SLC26A2: variants seen among roughly 807,000 people sequenced by gnomAD.
The protein encoded by SLC26A2 is sulfate transporter.
A neutral mutation model predicts 41.1 loss-of-function variants in SLC26A2; 36 were observed. The ratio of observed to expected loss-of-function variants is 0.88; its 90% CI spans 0.67 to 1.16. The LOEUF (loss-of-function observed/expected upper bound fraction) is 1.16, where lower values mean the gene tolerates loss of function less well. Among genes scored for constraint, SLC26A2 ranks in the 50% most tolerant of loss-of-function variants. SLC26A2 has a pLI of 0.00. For synonymous variants in SLC26A2, 291 were observed against 311.6 expected, an observed-to-expected ratio of 0.93 and a Z score of 0.70; for missense variants, 796 against 869.6, an observed-to-expected ratio of 0.92 and a Z score of 1.07.
chr5:149,966,322 C>G (rs1581225919), intron 1 of SLC26A2, among the ~76,000 whole-genome samples: 2 of 152,228 alleles, frequency 1.3e-5, no homozygotes, highest in Non-Finnish European at 2.9e-5. Context: ...TTAGTTTGAA[C>G]TGTCTCATGG....
At chr5:149,968,683 G>A (rs892211835) in intron 1 of SLC26A2, among the ~76,000 whole-genome samples, 1 of 151,114 alleles carries the variant, frequency 6.6e-6, no homozygotes, top group Non-Finnish European at 1.5e-5. Flanking sequence ...GCCTCCCAAA[G>A]TGCTGGGATT....
intron 1 of SLC26A2, among the ~76,000 whole-genome samples, chr5:149,975,043 A>G (rs1363151707): frequency 6.6e-6 from 1 of 150,406 alleles, no homozygotes; most frequent in Non-Finnish European, 1.5e-5. Flanking sequence ...TCTTCTGCCC[A>G]TTCTCTCTCT....
chr5:149,978,570 A>G (rs1755038567), intron 2 of SLC26A2, among the ~76,000 whole-genome samples: 1 of 152,144 alleles, frequency 6.6e-6, no homozygotes, highest in South Asian at 2.1e-4. Context: ...CAACTCCTTA[A>G]TTTTACATGT....
rs761932822 is a variant in SLC26A2 at position 149,981,690 on chromosome 5, T to C, written c.2097T>C (p.Tyr699=). 44 of 1,610,602 alleles carry C rather than the reference T, an allele frequency of 2.7e-5. 1 individual carries two copies. The highest frequency in any genetic ancestry group is 2.5e-4 in the South Asian group (23 of 90,486). ...GGGATTCCCTAACCAACGGAGAATA[T>C]TGCAAAAAGGAAGAAGAAAACCTTC... ...TVRDSLTNGE[Y]CKKEEENLLF... The change falls in exon 3 of 3, where the codon TAT becomes TAC. Residue 699 remains tyrosine, a synonymous_variant. Transcript: ENST00000286298.
intron 1 of SLC26A2, among the ~76,000 whole-genome samples, chr5:149,963,467 C>T (rs540631701): frequency 9.2e-5 from 14 of 151,922 alleles, no homozygotes; most frequent in Non-Finnish European, 1.3e-4. Context: ...TTAGTAGAGA[C>T]GGGGTTTCAC....
Position 149,980,691 on chromosome 5 carries a change from T to C in SLC26A2, c.1098T>C (p.Thr366=), listed in dbSNP as rs146912557. 1 of 1,614,092 alleles carries C rather than the reference T, an allele frequency of 6.2e-7. No individual in the cohort carries two copies. The highest frequency in any genetic ancestry group is 1.6e-4 in the Middle Eastern group (1 of 6,062). ...CTAGTATTGCTGGACATATTCCCAC[T>C]GGGTTTATGCCACCCAAAGTACCAG... ...YNSSIAGHIP[T]GFMPPKVPEW... is the part of the protein sequence containing the mutation. Residue 366 remains threonine (T), a synonymous_variant, in exon 3 of 3, where the codon ACT becomes ACC. Coordinates refer to ENST00000286298, the MANE Select transcript of SLC26A2 (RefSeq NM_000112.4).
chr5:149,982,587 C>G lies in SLC26A2; in HGVS notation c.*774C>G, dbSNP rs1304265408. 1 of 152,134 alleles carries G rather than the reference C, an allele frequency of 6.6e-6. No individual in the cohort carries two copies. The highest frequency in any genetic ancestry group is 1.5e-5 in the Non-Finnish European group (1 of 68,024). 9.4% of individuals were successfully genotyped at this position (152,134 alleles called of 1,614,324 possible). A position where few individuals can be genotyped will look rare whatever the true frequency, so the allele number is the denominator to read the frequency against. On this transcript the variant is annotated 3_prime_UTR_variant, in exon 3 of 3. Coordinates refer to ENST00000286298, the MANE Select transcript of SLC26A2 (RefSeq NM_000112.4). ...TCCTTGTCTTTTCTGTGATCTCTGTCCTTGTTTCTGAGACTTTCTCTACCA... is the reference window on the plus strand; with the variant it reads ...TCCTTGTCTTTTCTGTGATCTCTGTGCTTGTTTCTGAGACTTTCTCTACCA...
rs1171507593 is a variant in SLC26A2, at chr5:149,981,832, G to T, written c.*19G>T. On this transcript the variant is annotated 3_prime_UTR_variant, in exon 3 of 3. Transcript: ENST00000286298. The stretch of plus-strand genomic sequence containing the variant: ...TGATTAATTGAGAAGGTAGATAGAA[G>T]AATGTCTAGCCAATAGGTTAAAATT... 6.3e-7 allele frequency: 1 copy of T among 1,574,910 alleles called. No individual in the cohort carries two copies. Among genetic ancestry groups the T allele is most frequent in the Non-Finnish European group, 8.7e-7 (1 of 1,146,982 alleles).
Position 149,978,926 on chromosome 5 carries a change from C to T in SLC26A2, c.699+575C>T, listed in dbSNP as rs975172609. Among the ~76,000 whole-genome samples, 9 of 151,524 alleles carry T rather than the reference C, an allele frequency of 5.9e-5. No individual in the cohort carries two copies. In the South Asian group the frequency reaches 1.7e-3, roughly 28 times the overall value. On this transcript the variant is annotated intron_variant, in intron 2 of 2. Coordinates refer to ENST00000286298, the MANE Select transcript of SLC26A2 (RefSeq NM_000112.4). ...AGAGACAGGGTTTTGCCACGTTGCCCAGGCTGGTTTCAAACTCCTGAGCTC... is the reference window on the plus strand; with the variant it reads ...AGAGACAGGGTTTTGCCACGTTGCCTAGGCTGGTTTCAAACTCCTGAGCTC...
At chr5:149,976,225 C>G (rs1754989887) in intron 1 of SLC26A2, among the ~76,000 whole-genome samples, 1 of 151,962 alleles carries the variant, frequency 6.6e-6, no homozygotes. Flanking sequence ...TTCATTCATT[C>G]ATTCAAATGT....
chr5:149,967,358 T>G (rs185997300), intron 1 of SLC26A2, among the ~76,000 whole-genome samples: 2 of 152,248 alleles, frequency 1.3e-5, no homozygotes, highest in East Asian at 3.9e-4. Context: ...TATCCATCAA[T>G]CCCCAAAATC....
At chr5:149,971,459 G>A (rs557052493) in intron 1 of SLC26A2, among the ~76,000 whole-genome samples, 7 of 152,252 alleles carry the variant, frequency 4.6e-5, no homozygotes, top group African/African-American at 1.7e-4. Flanking sequence ...GAGTGCAGTG[G>A]TGTGATCTCA....
rs773629114 is a variant in SLC26A2 at position 149,980,602 on chromosome 5, C to T, written c.1009C>T (p.Leu337Phe). The T allele has an allele frequency of 1.2e-6, 2 of 1,613,926 alleles. No individual in the cohort carries two copies. The highest frequency in any genetic ancestry group is 1.7e-6 in the Non-Finnish European group (2 of 1,179,974). The change falls in exon 3 of 3, where the codon CTT becomes TTT. Residue 337 changes from leucine (L) to phenylalanine (F), a missense_variant. By Grantham distance (22) the Leu-to-Phe change is conservative. Transcript: ENST00000286298. ...SKLKAPIPIELVVVVAATLAS... is the reference protein window; with the variant it reads ...SKLKAPIPIEFVVVVAATLAS... The stretch of plus-strand genomic sequence containing the variant: ...GCTTAAGGCACCGATTCCTATTGAA[C>T]TTGTTGTTGTTGTAGCAGCCACATT...
chr5:149,963,122 T>G (rs1036756687), intron 1 of SLC26A2, among the ~76,000 whole-genome samples: 7 of 151,902 alleles, frequency 4.6e-5, no homozygotes, highest in Admixed American at 1.3e-4. Context: ...ATTTATTTAT[T>G]TTTTGAGATG....
In SLC26A2 at chr5:149,981,595, A is replaced by G. The variant is rs1755103279; in HGVS notation, c.2002A>G (p.Lys668Glu). ...AGATACAGCAGGGATCCACACACTG[A>G]AAGAAGTTCGCAGAGATTATGAAGC... ...FLDTAGIHTLKEVRRDYEAIG... is the reference protein window; with the variant it reads ...FLDTAGIHTLEEVRRDYEAIG... Residue 668 changes from lysine to glutamate, a missense_variant, in exon 3 of 3, where the codon AAA (lysine) becomes GAA (glutamate). Transcript: ENST00000286298. The G allele has an allele frequency of 1.2e-6, 2 of 1,614,130 alleles. No homozygotes were observed. Among genetic ancestry groups the G allele is most frequent in the South Asian group, 1.1e-5 (1 of 91,080 alleles).
chr5:149,980,706 C>A lies in SLC26A2; in HGVS notation c.1113C>A (p.Pro371=). Residue 371 remains proline (P), a synonymous_variant, in exon 3 of 3, where the codon CCC becomes CCA. Coordinates refer to ENST00000286298, the MANE Select transcript of SLC26A2 (RefSeq NM_000112.4). The part of the protein sequence containing the change: ...AGHIPTGFMP[P]KVPEWNLIPS... Reference sequence around the variant, plus strand: ...ATATTCCCACTGGGTTTATGCCACCCAAAGTACCAGAATGGAACCTAATTC... The same window carrying A: ...ATATTCCCACTGGGTTTATGCCACCAAAAGTACCAGAATGGAACCTAATTC... 6.2e-7 allele frequency: 1 copy of A among 1,613,986 alleles called. No individual in the cohort carries two copies. The highest frequency in any genetic ancestry group is 8.5e-7 in the Non-Finnish European group (1 of 1,179,964).
rs184536893 is a variant in SLC26A2 at position 149,968,761 on chromosome 5, G to A, written c.-26+7782G>A. ...TGAGACGGACTCTCGGTCTGTTGCCGCAGCTGGGGTGCAGTGGCGCGATCT... is the reference window on the plus strand; with the variant it reads ...TGAGACGGACTCTCGGTCTGTTGCCACAGCTGGGGTGCAGTGGCGCGATCT... On this transcript the variant is annotated intron_variant, in intron 1 of 2. Transcript: ENST00000286298. 7.6e-4 allele frequency among the ~76,000 whole-genome samples: 104 copies of A among 136,106 alleles called. 1 individual carries two copies. Among genetic ancestry groups the A allele is most frequent in the Admixed American group, 7.6e-3 (101 of 13,292 alleles). 89.3% of individuals were successfully genotyped at this position (136,106 alleles called of 152,430 possible).
At chr5:149,962,839 TA>T (rs1754736374) in intron 1 of SLC26A2, among the ~76,000 whole-genome samples, 3 of 152,152 alleles carry the variant, frequency 2.0e-5, no homozygotes, top group African/African-American at 7.2e-5. Context: ...ATATAGCTGT[TA>T]AATTCTAATT....
chr5:149,970,090 A>G (rs943330572), intron 1 of SLC26A2, among the ~76,000 whole-genome samples: 3 of 152,240 alleles, frequency 2.0e-5, no homozygotes, highest in African/African-American at 7.2e-5. Flanking sequence ...TATAAGTAAT[A>G]TAATTTCAGA....
Sources: gnomAD v4.1 joint callset for allele counts (sites outside exome capture counted in the v4.1 genomes callset) on GRCh38, gnomAD v4.1.1 for gene constraint, MANE v1.5 for transcripts, NCBI Gene and HGNC (gene_info 2026-07-23, HGNC 2026-07-21) for gene names.